The following AFF2 variants were observed in gnomAD, a reference collection of about 807,000 sequenced individuals.
The protein encoded by AFF2 is ALF transcription elongation factor 2, also known as AF4/FMR2 family member 2.
In AFF2, 14 loss-of-function variants were observed where a neutral mutation model predicts 76.9. That is an observed-to-expected ratio of 0.18 (90% CI 0.12 to 0.28). The LOEUF is 0.28. AFF2 is among the 10% of genes least tolerant of loss of function. AFF2 has a pLI of 1.00. For synonymous variants in AFF2, 398 were observed against 366.7 expected (o/e 1.09, Z -0.98); for missense variants, 868 against 1,001.1 (o/e 0.87, Z 1.79).
chrX:148,891,704 G>A (rs782068823), intron 8 of AFF2, among the ~76,000 whole-genome samples: 4 of 111,347 alleles, frequency 3.6e-5, no homozygotes, highest in East Asian at 5.7e-4. Flanking sequence ...CACAGGTAGC[G>A]GGATGGCTTG....
chrX:148,967,390 G>A (rs2072193770), intron 14 of AFF2, among the ~76,000 whole-genome samples: 1 of 112,068 alleles, frequency 8.9e-6, no homozygotes, highest in African/African-American at 3.2e-5. Flanking sequence ...GATCTATTTG[G>A]ACAACTGTAA....
At chrX:148,626,722 T>C (rs1172796597) in intron 1 of AFF2, among the ~76,000 whole-genome samples, 1 of 111,111 alleles carries the variant, frequency 9.0e-6, no homozygotes, top group Non-Finnish European at 1.9e-5. Context: ...CATCTTCACA[T>C]GGCCTTCTCT....
At chrX:148,659,845 A>G (rs1452499725) in intron 2 of AFF2, among the ~76,000 whole-genome samples, 3 of 112,359 alleles carry the variant, frequency 2.7e-5, no homozygotes, top group African/African-American at 6.5e-5. Flanking sequence ...AATTCCTGCC[A>G]TTAAAAATGA....
rs1014560674 is a variant in AFF2, at chrX:148,860,577, C to T, written c.1262+17144C>T. ...CATTTGAGATCTGTGCATCCAGAAA[C>T]TATAAGCACATCTTGAATACAGAAG... On this transcript the variant is annotated intron_variant, in intron 7 of 20. Coordinates refer to ENST00000370460, the MANE Select transcript of AFF2 (RefSeq NM_002025.4). Among the ~76,000 whole-genome samples the T allele has an allele frequency of 4.5e-5, 5 of 111,957 alleles. No homozygotes were observed. In the East Asian group the frequency reaches 1.1e-3, roughly 25 times the overall value.
chrX:148,985,285 C>CTTTTTTTTTTTTTTTTTTTTTT (rs151339705), intron 19 of AFF2, among the ~76,000 whole-genome samples: 1 of 15,387 alleles, frequency 6.5e-5, no homozygotes, highest in Non-Finnish European at 1.2e-4. Flanking sequence ...TGTGCCTGGC[C>CTTTTTTTTTTTTTTTTTTTTTT]TTTTTTTTTT....
chrX:148,820,501 A>G (rs2070315328), intron 4 of AFF2, among the ~76,000 whole-genome samples: 1 of 112,212 alleles, frequency 8.9e-6, no homozygotes, highest in African/African-American at 3.2e-5. Flanking sequence ...AACCATTAAA[A>G]AGATGGCTTT....
At chrX:148,878,003 A>G (rs2071054460) in intron 7 of AFF2, among the ~76,000 whole-genome samples, 1 of 111,511 alleles carries the variant, frequency 9.0e-6, no homozygotes, top group African/African-American at 3.3e-5. Flanking sequence ...TTTTATATCT[A>G]ATCTGCTGTA....
chrX:148,739,851 G>A (rs142488778), intron 3 of AFF2, among the ~76,000 whole-genome samples: 1 of 111,505 alleles, frequency 9.0e-6, no homozygotes, highest in Non-Finnish European at 1.9e-5. Context: ...TGGTAATGGC[G>A]AATTCTCTCA....
At chrX:148,701,012 A>AATGTGTGTGTGTGTG (rs782232655) in intron 3 of AFF2, among the ~76,000 whole-genome samples, 5 of 73,738 alleles carry the variant, frequency 6.8e-5, no homozygotes, top group African/African-American at 2.9e-4. Flanking sequence ...GAGAGAGAGA[A>AATGTGTGTGTGTGTG]TGTGTGTGTG....
intron 1 of AFF2, among the ~76,000 whole-genome samples, chrX:148,599,122 A>G (rs955015468): frequency 3.6e-5 from 4 of 112,096 alleles, no homozygotes; most frequent in South Asian, 3.7e-4. Flanking sequence ...AAATGCAATC[A>G]TGTGCTTATT....
At chrX:148,704,760 C>G (rs1172493961) in intron 3 of AFF2, among the ~76,000 whole-genome samples, 1 of 107,595 alleles carries the variant, frequency 9.3e-6, no homozygotes. Context: ...CTCCTGACCT[C>G]AGGCAATCCA....
chrX:148,863,100 TATC>T lies in AFF2; in HGVS notation c.1262+19670_1262+19672del, dbSNP rs1403631285. On this transcript the variant is annotated intron_variant, in intron 7 of 20. Coordinates refer to ENST00000370460, the MANE Select transcript of AFF2 (RefSeq NM_002025.4). ...TTGGACTATATTGTAACAGCTACCT[TATC>T]ATATCTATGAAGACAAATATTGAAA... 3.6e-5 allele frequency among the ~76,000 whole-genome samples: 4 copies of T among 112,256 alleles called. No individual in the cohort carries two copies. In the East Asian group the frequency reaches 8.4e-4, roughly 24 times the overall value.
chrX:148,735,254 A>C (rs1293618579), intron 3 of AFF2, among the ~76,000 whole-genome samples: 1 of 112,458 alleles, frequency 8.9e-6, no homozygotes, highest in Non-Finnish European at 1.9e-5. Context: ...GTTCTCTTTG[A>C]GAGTCTGTGT....
At chrX:148,513,765 A>C (rs1466234847) in intron 1 of AFF2, among the ~76,000 whole-genome samples, 1 of 111,232 alleles carries the variant, frequency 9.0e-6, no homozygotes, top group African/African-American at 3.3e-5. Context: ...GTGGGGGAAG[A>C]GTTTGCAAAG....
intron 1 of AFF2, among the ~76,000 whole-genome samples, chrX:148,614,635 C>T (rs1243935294): frequency 9.5e-6 from 1 of 104,974 alleles, no homozygotes. Flanking sequence ...CTTTCTTTCT[C>T]TCTCTCTCTT....
At chrX:148,760,575 C>T (rs2124585685) in intron 3 of AFF2, among the ~76,000 whole-genome samples, 1 of 111,814 alleles carries the variant, frequency 8.9e-6, no homozygotes, top group South Asian at 3.8e-4. Context: ...ATTGCATGCT[C>T]ACAGCTGGAC....
chrX:148,694,847 G>A (rs1265421490), intron 3 of AFF2, among the ~76,000 whole-genome samples: 2 of 80,795 alleles, frequency 2.5e-5, no homozygotes, highest in Non-Finnish European at 4.4e-5. Flanking sequence ...ATGGAGTCTC[G>A]CTCTGTCGCC....
At chrX:148,645,177 A>G (rs1445844761) in intron 1 of AFF2, among the ~76,000 whole-genome samples, 4 of 111,725 alleles carry the variant, frequency 3.6e-5, no homozygotes, top group Non-Finnish European at 5.6e-5. Flanking sequence ...CTATGTTTTT[A>G]CAGAGTAAAG....
In AFF2 at chrX:148,852,389, G is replaced by GTTT. The variant is rs33916305; in HGVS notation, c.1262+8974_1262+8976dup. Among the ~76,000 whole-genome samples the GTTT allele has an allele frequency of 5.5e-3, 436 of 78,788 alleles. 11 individuals are homozygous for GTTT. Among genetic ancestry groups the GTTT allele is most frequent in the Admixed American group, 0.053 (332 of 6,265 alleles). The allele number at this position is 78,788 out of a possible 115,157, so 68.4% of individuals were successfully genotyped here. On this transcript the variant is annotated intron_variant, in intron 7 of 20. Transcript: ENST00000370460. ...TTCTCCATAACCTCACCAGCAGCTG[G>GTTT]TTTTTTTTTTTTTTTTTTTTACTTT...
Sources: allele counts gnomAD v4.1 joint callset (sites outside exome capture counted in the v4.1 genomes callset), GRCh38; gene constraint gnomAD v4.1.1; transcripts MANE v1.5; gene names NCBI Gene and HGNC (gene_info 2026-07-23, HGNC 2026-07-21).